Variants in GNAS observed in about 807,000 individuals in gnomAD.
The protein encoded by GNAS is GNAS complex locus, also known as protein ALEX.
GNAS carries 8 observed loss-of-function variants against 54.5 expected under a neutral mutation model. The ratio of observed to expected loss-of-function variants is 0.15; its 90% CI spans 0.09 to 0.26. The LOEUF (loss-of-function observed/expected upper bound fraction) is 0.26, where lower values mean the gene tolerates loss of function less well. GNAS is among the 10% of genes least tolerant of loss of function. The probability of loss-of-function intolerance (pLI) is 1.00; values close to 1 mark genes in which losing one functional copy is unlikely to be tolerated. For missense variants in GNAS, 170 were observed against 529.8 expected (o/e 0.32, Z 6.67); for synonymous variants, 204 against 191.4 (o/e 1.07, Z -0.54).
At position 58,854,412 on chromosome 20, in the gene GNAS, G is replaced by A. The variant is rs368773762; in HGVS notation, c.43+13526G>A. 1.6e-5 allele frequency: 25 copies of A among 1,566,602 alleles called. No homozygotes were observed. The highest frequency in any genetic ancestry group is 2.1e-5 in the Non-Finnish European group (24 of 1,157,312). On this transcript the variant is annotated intron_variant, in intron 1 of 12. Transcript: ENST00000306090. ...CTCTCCGGGGTACGGATCCCCTGCC[G>A]CCGGGGCAGCCTCAGCGGATACCGC...
upstream of GNAS, chr20:58,840,012 G>A (rs1234645745): frequency 4.9e-6 from 7 of 1,415,324 alleles, no homozygotes; most frequent in Admixed American, 1.7e-5. The surrounding 1 kb of genome is among the most constrained non-coding windows in gnomAD (Gnocchi z 6.0). Flanking sequence ...CACCTCATAG[G>A]GTGTACCTTT....
intron 1 of GNAS, among the ~76,000 whole-genome samples, chr20:58,871,825 G>A (rs1362159252): frequency 6.6e-6 from 1 of 152,110 alleles, no homozygotes; most frequent in African/African-American, 2.4e-5. Flanking sequence ...AGCACCAAAT[G>A]GGGTCCTTGC....
At chr20:58,852,786 C>T in intron 1 of GNAS, 1 of 223,072 alleles carries the variant, frequency 4.5e-6, no homozygotes, top group East Asian at 6.5e-5. Flanking sequence ...GCTCACCAGC[C>T]CCCTTACCCA....
At chr20:58,868,018 CT>C (rs1039652341) in intron 1 of GNAS, among the ~76,000 whole-genome samples, 3 of 137,170 alleles carry the variant, frequency 2.2e-5, no homozygotes, top group Non-Finnish European at 4.6e-5. Context: ...CTGTTTCTTT[CT>C]TTCTTTTTTT....
intron 1 of GNAS, among the ~76,000 whole-genome samples, chr20:58,845,041 T>C (rs562367244): frequency 5.9e-5 from 9 of 151,872 alleles, no homozygotes; most frequent in Non-Finnish European, 1.3e-4. Flanking sequence ...TTTACGTGTG[T>C]GTGTGTGTTC....
In GNAS at chr20:58,891,503, G is replaced by A. The variant is rs2089304750; in HGVS notation, c.-224G>A. On this transcript the variant is annotated 5_prime_UTR_variant, in exon 1 of 13. Coordinates refer to ENST00000371085, the MANE Select transcript of GNAS (RefSeq NM_000516.7). ...CCTCGGCCTCGGCTCGAGGGGCGGG[G>A]AGCTGCGCGCGCCCCTCGGTCCGAC... 8 of 972,508 alleles carry A rather than the reference G, an allele frequency of 8.2e-6. No individual in the cohort carries two copies. The highest frequency in any genetic ancestry group is 4.6e-5 in the South Asian group (1 of 21,690). 60.2% of individuals were successfully genotyped at this position (972,508 alleles called of 1,614,324 possible).
In GNAS at chr20:58,857,672, GT is replaced by G. The variant is rs1336009123; in HGVS notation, c.43+16787del. On this transcript the variant is annotated intron_variant, in intron 1 of 12. Coordinates refer to the GNAS transcript ENST00000306090. The surrounding 1 kb of genome is among the most constrained non-coding windows in gnomAD (Gnocchi z 4.1). ...CTTCTATTCTTCCTGGAGGTGGGGGGTGGAGGAGACACAGTCTACTTACATC... is the reference window on the plus strand; with the variant it reads ...CTTCTATTCTTCCTGGAGGTGGGGGGGGAGGAGACACAGTCTACTTACATC... Among the ~76,000 whole-genome samples the G allele has an allele frequency of 6.6e-6, 1 of 152,150 alleles. No homozygotes were observed. The highest frequency in any genetic ancestry group is 1.5e-5 in the Non-Finnish European group (1 of 68,034).
At chr20:58,881,947 A>T (rs1415935668) in intron 1 of GNAS, 1 of 152,238 alleles carries the variant, frequency 6.6e-6, no homozygotes, top group Non-Finnish European at 1.5e-5. Context: ...CAAGAGCTGA[A>T]TTGTAGGACA....
At chr20:58,840,418 G>A (rs753525197), upstream of GNAS, 1 of 1,613,610 alleles carries the variant, frequency 6.2e-7, no homozygotes, top group Non-Finnish European at 8.5e-7. The surrounding 1 kb of genome is among the most constrained non-coding windows in gnomAD (Gnocchi z 6.0). Flanking sequence ...TAGAGTACGA[G>A]GAAGAGTTCG....
At position 58,857,175 on chromosome 20, in the gene GNAS, T is replaced by G. The variant is rs1331660271; in HGVS notation, c.43+16289T>G. The G allele has an allele frequency of 2.0e-5, 3 of 152,228 alleles. No individual in the cohort carries two copies. Among genetic ancestry groups the G allele is most frequent in the African/African-American group, 7.2e-5 (3 of 41,456 alleles). 9.4% of individuals were successfully genotyped at this position (152,228 alleles called of 1,614,324 possible). On this transcript the variant is annotated intron_variant, in intron 1 of 12. Transcript: ENST00000306090. The surrounding 1 kb of genome is among the most constrained non-coding windows in gnomAD (Gnocchi z 4.1). ...TAAATATGTTAGAATGTGTGATGGT[T>G]TTTTATTAATGGCATTATTGGCATA...
intron 1 of GNAS, chr20:58,855,313 C>CGGTG: frequency 6.3e-7 from 1 of 1,575,984 alleles, no homozygotes; most frequent in African/African-American, 1.3e-5. Context: ...TACATGTGTA[C>CGGTG]GCACCGCCTG....
At position 58,903,743 on chromosome 20, in the gene GNAS, G is replaced by A. The variant is rs3730166; in HGVS notation, c.384G>A (p.Val128=). 1.1e-3 allele frequency: 1,736 copies of A among 1,613,668 alleles called. 24 individuals are homozygous for A. The African/African-American group carries it at 0.021, about 19-fold the overall frequency. ...CCAACCCCGAGAACCAGTTCAGAGT[G>A]GACTACATCCTGAGTGTGATGAACG... ...ELANPENQFR[V]DYILSVMNVP... is the part of the protein sequence containing the mutation. Residue 128 remains valine (V), a synonymous_variant, in exon 5 of 13, where the codon GTG becomes GTA. Coordinates refer to ENST00000371085, the MANE Select transcript of GNAS (RefSeq NM_000516.7).
At chr20:58,899,919 GAC>G in intron 3 of GNAS, 1 of 717,866 alleles carries the variant, frequency 1.4e-6, no homozygotes, top group Non-Finnish European at 2.6e-6. Context: ...CAAAGTAACT[GAC>G]ACATGTTTGT....
intron 1 of GNAS, chr20:58,855,872 A>C: frequency 1.8e-6 from 1 of 547,358 alleles, no homozygotes; most frequent in East Asian, 3.0e-5. Flanking sequence ...GGCACCCCCA[A>C]ATTACCCGCC....
Position 58,880,797 on chromosome 20 carries a change from T to G in GNAS, c.44-14815T>G, listed in dbSNP as rs1477887279. On this transcript the variant is annotated intron_variant, in intron 1 of 12. Coordinates refer to the GNAS transcript ENST00000306090. ...AAATCTCTTCTACCTTTGGCATCAA[T>G]TGTAGAAACTAAATGTCTGCTGTAG... Among the ~76,000 whole-genome samples the G allele has an allele frequency of 3.3e-5, 5 of 152,192 alleles. No homozygotes were observed. The South Asian group carries it at 1.0e-3, about 31-fold the overall frequency.
upstream of GNAS, among the ~76,000 whole-genome samples, chr20:58,890,482 T>C (rs2089083900): frequency 6.6e-6 from 1 of 151,670 alleles, no homozygotes; most frequent in Admixed American, 6.6e-5. Flanking sequence ...CTGCCCCTCG[T>C]GGTGTTCCTG....
chr20:58,876,171 C>A (rs897507409), intron 1 of GNAS, among the ~76,000 whole-genome samples: 4 of 152,138 alleles, frequency 2.6e-5, no homozygotes, highest in African/African-American at 9.7e-5. Context: ...CAAAAGCCTG[C>A]CAATTAAGTT....
chr20:58,841,329 T>G lies in GNAS; in HGVS notation c.43+443T>G, dbSNP rs2085716002. 2 of 1,058,052 alleles carry G rather than the reference T, an allele frequency of 1.9e-6. No homozygotes were observed. The highest frequency in any genetic ancestry group is 2.3e-6 in the Non-Finnish European group (2 of 874,812). The allele number at this position is 1,058,052 out of a possible 1,614,324, so 65.5% of individuals were successfully genotyped here. On this transcript the variant is annotated intron_variant, in intron 1 of 12. Transcript: ENST00000306090. The surrounding 1 kb of genome is among the most constrained non-coding windows in gnomAD (Gnocchi z 5.0). ...TGGTTCGGAGGTGCGCGCGCCAACT[T>G]TCACGATGTGAGAGCAGCCGCGCTG...
upstream of GNAS, among the ~76,000 whole-genome samples, chr20:58,886,495 C>T (rs2088600323): frequency 6.6e-6 from 1 of 152,146 alleles, no homozygotes; most frequent in African/African-American, 2.4e-5. Flanking sequence ...GACGAGGGGC[C>T]CCTTCCATTG....
Sources: gnomAD v4.1 joint callset for allele counts (sites outside exome capture counted in the v4.1 genomes callset) on GRCh38, gnomAD v4.1.1 for gene constraint, Gnocchi (gnomAD v3.1) non-coding constraint, MANE v1.5 for transcripts, NCBI Gene and HGNC (gene_info 2026-07-23, HGNC 2026-07-21) for gene names.